GEMIN5: variants seen among roughly 807,000 people sequenced by gnomAD.
GEMIN5 encodes gem nuclear organelle associated protein 5.
Under a neutral mutation model 176.9 loss-of-function variants are expected in GEMIN5, and 124 were observed. That is an observed-to-expected ratio of 0.70 (90% CI 0.61 to 0.81). The LOEUF (loss-of-function observed/expected upper bound fraction) is 0.81. Among genes scored for constraint, GEMIN5 ranks in the 40% least tolerant of loss-of-function variants. The probability of loss-of-function intolerance (pLI) is 0.00; values close to 1 mark genes in which losing one functional copy is unlikely to be tolerated. For synonymous variants in GEMIN5, 673 were observed against 665.2 expected (o/e 1.01, Z -0.18); for missense variants, 1,843 against 1,814.6 (o/e 1.02, Z -0.28).
intron 3 of GEMIN5, among the ~76,000 whole-genome samples, 185 bp downstream of exon 3, chr5:154,935,656 A>G (rs1202166733): frequency 6.6e-6 from 1 of 152,226 alleles, no homozygotes; most frequent in Non-Finnish European, 1.5e-5. Flanking sequence ...AAACCAAGGA[A>G]ACAAAAACGG....
rs1394356329 is a variant in GEMIN5, at chr5:154,891,296, T to C, written c.4207A>G (p.Lys1403Glu). 3 of 1,613,990 alleles carry C rather than the reference T, an allele frequency of 1.9e-6. No homozygotes were observed. Among genetic ancestry groups the C allele is most frequent in the African/African-American group, 1.3e-5 (1 of 74,910 alleles). Residue 1403 changes from lysine to glutamate, a missense_variant, in exon 26 of 28, where the codon AAG becomes GAG. Lys to Glu is a moderately conservative substitution (Grantham distance 56, BLOSUM62 1). Transcript: ENST00000285873. ...LCKSTANGPD[K>E]NEPEVEAEQP... ...TCTGCTTCTACTTCCGGTTCATTCT[T>C]ATCAGGACCATTTGCTGTGGATTTA...
At chr5:154,911,616 G>T in intron 15 of GEMIN5, 111 bp downstream of exon 15, 2 of 864,890 alleles carry the variant, frequency 2.3e-6, no homozygotes, top group Non-Finnish European at 3.6e-6. Flanking sequence ...TCAGACCCCT[G>T]CCCTACTGAC....
At chr5:154,909,017 G>C (rs1763634992) in intron 15 of GEMIN5, among the ~76,000 whole-genome samples, 1 of 151,980 alleles carries the variant, frequency 6.6e-6, no homozygotes, top group Admixed American at 6.6e-5. Flanking sequence ...TGCGGTGGCA[G>C]AATCTCCGTT....
At chr5:154,918,237 A>G (rs1187892014) in intron 11 of GEMIN5, among the ~76,000 whole-genome samples, 1 of 152,218 alleles carries the variant, frequency 6.6e-6, no homozygotes, top group Admixed American at 6.5e-5. Context: ...AATAAGTACT[A>G]AATGTTTACA....
chr5:154,921,704 A>T (rs1220672828), intron 9 of GEMIN5, among the ~76,000 whole-genome samples: 1 of 152,186 alleles, frequency 6.6e-6, no homozygotes, highest in Admixed American at 6.5e-5. Context: ...TGTTACTCTT[A>T]CCCATCTAGC....
At chr5:154,891,138 T>A in intron 26 of GEMIN5, 103 bp downstream of exon 26, 2 of 899,670 alleles carry the variant, frequency 2.2e-6, no homozygotes, top group East Asian at 4.1e-5. Flanking sequence ...CAAGTGATCC[T>A]CCTGCTTCAG....
chr5:154,891,755 G>T lies in GEMIN5; in HGVS notation c.3761-13C>A. ...AGGTGGTCACAGCCTAGGAAAAGAG[G>T]AAAAAGATACTGGGTCATGCATTTC... On this transcript the variant is annotated splice_polypyrimidine_tract_variant and intron_variant, in intron 25 of 27. Transcript: ENST00000285873. 6.4e-7 allele frequency: 1 copy of T among 1,562,760 alleles called. No individual in the cohort carries two copies. Among genetic ancestry groups the T allele is most frequent in the Non-Finnish European group, 8.6e-7 (1 of 1,162,272 alleles).
chr5:154,888,404 T>G, intron 27 of GEMIN5, 27 bp from the exon 28 acceptor site: 1 of 1,601,024 alleles, frequency 6.2e-7, no homozygotes, highest in East Asian at 2.2e-5. Flanking sequence ...TGAGGATGAA[T>G]AAGGAAGCAT....
intron 13 of GEMIN5, among the ~76,000 whole-genome samples, chr5:154,914,405 A>T (rs1763771853): frequency 2.0e-5 from 3 of 152,042 alleles, no homozygotes; most frequent in Admixed American, 2.0e-4. Context: ...CAAATAGGTG[A>T]TCCTGCATTG....
At chr5:154,899,603 T>C (rs1341536955) in intron 21 of GEMIN5, among the ~76,000 whole-genome samples, 2 of 110,862 alleles carry the variant, frequency 1.8e-5, no homozygotes, top group African/African-American at 6.6e-5. Flanking sequence ...TAAGAGTCAG[T>C]TATGTGCTTT....
intron 9 of GEMIN5, 118 bp downstream of exon 9, chr5:154,924,351 G>T (rs1443064564): frequency 1.5e-6 from 1 of 674,140 alleles, no homozygotes; most frequent in Non-Finnish European, 2.7e-6. Flanking sequence ...CTGATTTGTG[G>T]TCTTCAAATT....
chr5:154,890,913 G>A (rs143679822), intron 26 of GEMIN5, among the ~76,000 whole-genome samples: 55 of 152,246 alleles, frequency 3.6e-4, no homozygotes, highest in African/African-American at 1.3e-3. Flanking sequence ...ACAGGCATGT[G>A]CCACCATACC....
intron 21 of GEMIN5, among the ~76,000 whole-genome samples, chr5:154,899,542 C>T (rs1763423578): frequency 6.6e-6 from 1 of 151,996 alleles, no homozygotes; most frequent in South Asian, 2.1e-4. Flanking sequence ...AGGGGGTCCT[C>T]AAGAACCTTT....
intron 1 of GEMIN5, 76 bp from the exon 2 acceptor site, chr5:154,937,261 G>T: frequency 8.1e-7 from 1 of 1,227,542 alleles, no homozygotes; most frequent in Non-Finnish European, 1.1e-6. Context: ...GTTGTTGGAT[G>T]ACAAGTGAGC....
chr5:154,900,666 G>A (rs1054328867), intron 21 of GEMIN5, among the ~76,000 whole-genome samples: 5 of 152,202 alleles, frequency 3.3e-5, no homozygotes, highest in African/African-American at 1.2e-4. Flanking sequence ...GGAGGAAGCT[G>A]TCCAGAGAAA....
chr5:154,904,953 G>A (rs1453612673), intron 17 of GEMIN5, among the ~76,000 whole-genome samples: 1 of 152,232 alleles, frequency 6.6e-6, no homozygotes, highest in Non-Finnish European at 1.5e-5. Context: ...AGCACTTTGG[G>A]AGGCTGAGGC....
At position 154,901,414 on chromosome 5, in the gene GEMIN5, T is replaced by G; in HGVS notation, c.2939A>C (p.Lys980Thr). Residue 980 changes from lysine (K) to threonine (T), a missense_variant, in exon 21 of 28, where the codon AAG (lysine) becomes ACG (threonine). By Grantham distance (78) the Lys-to-Thr change is moderately conservative. Transcript: ENST00000285873. ...KQLCFQDQYVKAASHLLSIHK... is the reference protein window; with the variant it reads ...KQLCFQDQYVTAASHLLSIHK... ...GATGGAAAGTAGGTGAGAAGCAGCCTTGACATACTGATCCTGAAAACACAG... is the reference window on the plus strand; with the variant it reads ...GATGGAAAGTAGGTGAGAAGCAGCCGTGACATACTGATCCTGAAAACACAG... The G allele has an allele frequency of 6.2e-7, 1 of 1,614,078 alleles. No individual in the cohort carries two copies. Among genetic ancestry groups the G allele is most frequent in the South Asian group, 1.1e-5 (1 of 91,084 alleles).
chr5:154,931,619 C>T (rs1285842461), intron 4 of GEMIN5, 42 bp from the exon 5 acceptor site: 5 of 1,526,384 alleles, frequency 3.3e-6, no homozygotes, highest in Non-Finnish European at 4.5e-6. Flanking sequence ...TTACATTAAA[C>T]ACGCACTAAT....
chr5:154,897,758 A>C (rs940546910), intron 23 of GEMIN5, among the ~76,000 whole-genome samples: 1 of 152,018 alleles, frequency 6.6e-6, no homozygotes, highest in Non-Finnish European at 1.5e-5. Context: ...TTTTTTCCAT[A>C]GCTTACAGTT....
Sources: gnomAD v4.1 joint callset for allele counts (sites outside exome capture counted in the v4.1 genomes callset) on GRCh38, gnomAD v4.1.1 for gene constraint, MANE v1.5 for transcripts, NCBI Gene and HGNC (gene_info 2026-07-23, HGNC 2026-07-21) for gene names.